The following MICAL2 variants were observed in gnomAD, a reference collection of about 807,000 sequenced individuals.
MICAL2 encodes the protein microtubule associated monooxygenase, calponin and LIM domain containing 2.
In MICAL2, 77 loss-of-function variants were observed where a neutral mutation model predicts 127.3. The observed-to-expected ratio is 0.60, with a 90% CI of 0.50 to 0.73. The LOEUF (loss-of-function observed/expected upper bound fraction) is 0.73. MICAL2 is among the 30% of genes least tolerant of loss of function. The pLI is 0.00. For synonymous variants in MICAL2, 570 were observed against 551.1 expected, an observed-to-expected ratio of 1.03 and a Z score of -0.48; for missense variants, 1,351 against 1,434.4, an observed-to-expected ratio of 0.94 and a Z score of 0.94.
At chr11:12,345,183 A>C (rs1938935278) in intron 32 of MICAL2, among the ~76,000 whole-genome samples, 1 of 152,210 alleles carries the variant, frequency 6.6e-6, no homozygotes, top group Admixed American at 6.5e-5. Context: ...TTTTGAGATT[A>C]CTAGAAACCA....
intron 17 of MICAL2, 34 bp from the exon 18 acceptor site, chr11:12,241,006 G>A: frequency 6.2e-7 from 1 of 1,610,174 alleles, no homozygotes; most frequent in Non-Finnish European, 8.5e-7. Flanking sequence ...TGTCTCCTGT[G>A]GCTGCTTTTT....
chr11:12,116,377 T>A (rs1256364551), intron 1 of MICAL2, among the ~76,000 whole-genome samples: 3 of 91,182 alleles, frequency 3.3e-5, no homozygotes, highest in South Asian at 3.3e-4. Flanking sequence ...TTTTTTTTTT[T>A]AACTGAGGAA....
At chr11:12,201,486 G>GC (rs1462251246) in intron 3 of MICAL2, among the ~76,000 whole-genome samples, 2 of 151,654 alleles carry the variant, frequency 1.3e-5, no homozygotes, top group African/African-American at 2.4e-5. Flanking sequence ...GAGTGGGTGC[G>GC]CATTCCCTTG....
At chr11:12,359,226 A>G (rs1369120585), downstream of MICAL2, 1 of 152,384 alleles carries the variant, frequency 6.6e-6, no homozygotes, top group African/African-American at 2.4e-5. Context: ...GGCTTAGAAA[A>G]GCTTTTCGTC....
intron 4 of MICAL2, among the ~76,000 whole-genome samples, chr11:12,205,347 C>T (rs565294438): frequency 6.6e-6 from 1 of 152,266 alleles, no homozygotes; most frequent in African/African-American, 2.4e-5. Context: ...CAGGTTTGAA[C>T]TGCAAGGGTC....
intron 12 of MICAL2, 129 bp from the exon 13 acceptor site, chr11:12,224,544 C>T: frequency 7.8e-7 from 1 of 1,278,464 alleles, no homozygotes; most frequent in Non-Finnish European, 1.1e-6. Flanking sequence ...CAGTGGCCCC[C>T]TGCCCTGGCC....
Position 12,242,368 on chromosome 11 carries a change from C to G in MICAL2, c.2492C>G (p.Pro831Arg). 6.2e-7 allele frequency: 1 copy of G among 1,614,004 alleles called. No individual in the cohort carries two copies. Among genetic ancestry groups the G allele is most frequent in the Non-Finnish European group, 8.5e-7 (1 of 1,179,912 alleles). The change falls in exon 19 of 28, where the codon CCG (proline) becomes CGG (arginine). Residue 831 changes from proline (P) to arginine (R), a missense_variant. Transcript: ENST00000683283. ...ENFATLPSTRPRAQALSGVLW... is the reference protein window; with the variant it reads ...ENFATLPSTRRRAQALSGVLW... ...TTCGCTACCCTGCCTTCTACCCGCC[C>G]GAGGGCGCAGGCTCTTTCCGGGGTG...
chr11:12,122,438 G>A (rs1850583691), intron 1 of MICAL2, among the ~76,000 whole-genome samples: 1 of 152,160 alleles, frequency 6.6e-6, no homozygotes, highest in Non-Finnish European at 1.5e-5. Context: ...AAAGACAAGA[G>A]TCTCACTCCG....
chr11:12,335,006 T>G (rs1938723438), intron 32 of MICAL2, among the ~76,000 whole-genome samples: 1 of 152,082 alleles, frequency 6.6e-6, no homozygotes, highest in Non-Finnish European at 1.5e-5. Context: ...TTTCTAGTTC[T>G]AGATCCCTGA....
intron 33 of MICAL2, among the ~76,000 whole-genome samples, chr11:12,351,995 C>T (rs894573936): frequency 3.9e-5 from 6 of 152,052 alleles, no homozygotes; most frequent in Non-Finnish European, 2.9e-5. Flanking sequence ...ACCGTGTTGA[C>T]CAGGCTGGTC....
intron 3 of MICAL2, among the ~76,000 whole-genome samples, chr11:12,167,146 G>T (rs1855604732): frequency 1.3e-5 from 2 of 152,028 alleles, no homozygotes; most frequent in African/African-American, 4.8e-5. Flanking sequence ...CCACAGGATT[G>T]CTCAGTAATC....
At chr11:12,223,575 T>A in intron 12 of MICAL2, 74 bp downstream of exon 12, 1 of 1,367,794 alleles carries the variant, frequency 7.3e-7, no homozygotes, top group Non-Finnish European at 1.0e-6. Context: ...TCAGTGACCG[T>A]GGTGACACAG....
At chr11:12,128,197 G>C (rs1851106505) in intron 1 of MICAL2, among the ~76,000 whole-genome samples, 1 of 152,140 alleles carries the variant, frequency 6.6e-6, no homozygotes, top group South Asian at 2.1e-4. Context: ...ATGAAAACCA[G>C]GTGAATACTA....
At chr11:12,168,185 C>CACTTATG (rs1855753333) in intron 3 of MICAL2, among the ~76,000 whole-genome samples, 1 of 146,156 alleles carries the variant, frequency 6.8e-6, no homozygotes, top group Non-Finnish European at 1.5e-5. Flanking sequence ...CACACATACA[C>CACTTATG]CATACATACA....
chr11:12,177,029 G>A (rs1439483666), intron 3 of MICAL2, among the ~76,000 whole-genome samples: 1 of 152,188 alleles, frequency 6.6e-6, no homozygotes, highest in Non-Finnish European at 1.5e-5. Flanking sequence ...ACCCAGAAGT[G>A]AAATTACTGG....
intron 2 of MICAL2, among the ~76,000 whole-genome samples, chr11:12,145,497 C>A (rs896564772): frequency 6.6e-6 from 1 of 152,196 alleles, no homozygotes; most frequent in Non-Finnish European, 1.5e-5. Flanking sequence ...ATTCTGCTGG[C>A]AACCCCTGCA....
intron 2 of MICAL2, among the ~76,000 whole-genome samples, chr11:12,284,752 G>A (rs561567326): frequency 2.0e-5 from 3 of 152,168 alleles, no homozygotes; most frequent in Non-Finnish European, 4.4e-5. Context: ...GCAATTGGGG[G>A]GTGGGCTATT....
chr11:12,297,915 A>G (rs993250832), intron 29 of MICAL2, among the ~76,000 whole-genome samples: 2 of 151,662 alleles, frequency 1.3e-5, no homozygotes, highest in Admixed American at 1.3e-4. Flanking sequence ...AATTTTATGT[A>G]TTTATATATT....
intron 2 of MICAL2, chr11:12,281,249 C>G (rs2279610): frequency 0.33 from 129,548 of 395,632 alleles, 24,047 homozygotes; most frequent in East Asian, 0.68. Flanking sequence ...GGGAGTGGGA[C>G]GCAAGTGGCA....
Sources: gnomAD v4.1 joint callset for allele counts (sites outside exome capture counted in the v4.1 genomes callset) on GRCh38, gnomAD v4.1.1 for gene constraint, MANE v1.5 for transcripts, NCBI Gene and HGNC (gene_info 2026-07-23, HGNC 2026-07-21) for gene names.